Variants in SAP130 observed in about 807,000 individuals in gnomAD.
SAP130 encodes the protein histone deacetylase complex subunit SAP130.
In SAP130, 16 loss-of-function variants were observed where a neutral mutation model predicts 103.2. The ratio of observed to expected loss-of-function variants is 0.16; its 90% CI spans 0.10 to 0.24. SAP130 has a LOEUF of 0.24. Ranked by LOEUF, SAP130 falls within the 10% of genes least tolerant of loss-of-function variation. The pLI is 1.00. For missense variants in SAP130, 990 were observed against 1,359.7 expected, an observed-to-expected ratio of 0.73 and a Z score of 4.28; for synonymous variants, 477 against 497.0, an observed-to-expected ratio of 0.96 and a Z score of 0.53.
chr2:127,986,650 G>A lies in SAP130; in HGVS notation c.1958+135C>T, dbSNP rs1480802852. 1.3e-5 allele frequency: 12 copies of A among 949,040 alleles called. No homozygotes were observed. The Admixed American group carries it at 1.4e-4, about 11-fold the overall frequency. 58.8% of individuals were successfully genotyped at this position (949,040 alleles called of 1,614,324 possible). ...TACTGAATAATCCTGTGGTCAAGTT[G>A]TTTTGGAGGAAATTTTAACACACCA... is the stretch of plus-strand genomic sequence containing the variant. On this transcript the variant is annotated intron_variant, in intron 14 of 20. Transcript: ENST00000643581. The surrounding 1 kb of genome is among the most constrained non-coding windows in gnomAD (Gnocchi z 4.7).
At position 127,960,451 on chromosome 2, in the gene SAP130, G is replaced by C. The variant is rs566737728; in HGVS notation, c.2064-5107C>G. Reference sequence around the variant, plus strand: ...ATCTGACAGGTTTAACTCATTGAGAGCAGTTCTGTAGGTTTGGTGGAAAGT... The same window carrying C: ...ATCTGACAGGTTTAACTCATTGAGACCAGTTCTGTAGGTTTGGTGGAAAGT... On this transcript the variant is annotated intron_variant, in intron 15 of 20. Coordinates refer to ENST00000643581, the MANE Select transcript of SAP130 (RefSeq NM_001330301.2). Among the ~76,000 whole-genome samples, 10 of 152,314 alleles carry C rather than the reference G, an allele frequency of 6.6e-5. No individual in the cohort carries two copies. The East Asian group carries it at 1.9e-3, about 29-fold the overall frequency.
intron 10 of SAP130, among the ~76,000 whole-genome samples, chr2:127,997,115 G>C (rs1683229430): frequency 6.6e-6 from 1 of 152,108 alleles, no homozygotes; most frequent in Non-Finnish European, 1.5e-5. Context: ...AAGGTCCTTT[G>C]AATGTCCTAC....
At chr2:127,946,130 G>C (rs1679060329) in intron 18 of SAP130, among the ~76,000 whole-genome samples, 1 of 152,102 alleles carries the variant, frequency 6.6e-6, no homozygotes, top group Non-Finnish European at 1.5e-5. Context: ...CTAAGGCCCT[G>C]GTTCAAACAT....
At chr2:127,960,764 A>G (rs1028876773) in intron 15 of SAP130, among the ~76,000 whole-genome samples, 1 of 152,150 alleles carries the variant, frequency 6.6e-6, no homozygotes, top group Non-Finnish European at 1.5e-5. Context: ...ACTGACTCTA[A>G]GATGGCAACA....
rs576007550 is a variant in SAP130 at position 127,987,522 on chromosome 2, T to G, written c.1781-560A>C. 4.6e-5 allele frequency among the ~76,000 whole-genome samples: 7 copies of G among 152,228 alleles called. No homozygotes were observed. The South Asian group carries it at 1.4e-3, about 32-fold the overall frequency. On this transcript the variant is annotated intron_variant, in intron 13 of 20. Transcript: ENST00000643581. ...TTTTTCTTTGCTCTATAATCACAGT[T>G]ACTAATAAATGAGATAAGGTGAACA... is the stretch of plus-strand genomic sequence containing the variant.
intron 15 of SAP130, among the ~76,000 whole-genome samples, chr2:127,961,011 A>G (rs1036064369): frequency 7.4e-6 from 1 of 135,446 alleles, no homozygotes; most frequent in Non-Finnish European, 1.6e-5. Context: ...TTTTTTTTTG[A>G]GACAGGGTCT....
At chr2:128,012,789 T>C (rs1684493673) in intron 6 of SAP130, among the ~76,000 whole-genome samples, 1 of 151,674 alleles carries the variant, frequency 6.6e-6, no homozygotes, top group Non-Finnish European at 1.5e-5. Context: ...CACTGTTCAT[T>C]TCCCCCTTCA....
intron 13 of SAP130, among the ~76,000 whole-genome samples, chr2:127,988,428 T>C (rs1018160396): frequency 3.6e-5 from 4 of 111,672 alleles, no homozygotes; most frequent in Non-Finnish European, 6.0e-5. Context: ...CCTTGTCTTT[T>C]TAAAAAAAAA....
chr2:128,016,627 A>G, intron 3 of SAP130, 80 bp from the exon 4 acceptor site: 1 of 1,465,156 alleles, frequency 6.8e-7, no homozygotes, highest in Non-Finnish European at 9.2e-7. Context: ...AGAGTGCACA[A>G]ATCGAACCTG....
At chr2:127,970,011 CGAGGTCAA>C (rs1474141376) in intron 15 of SAP130, among the ~76,000 whole-genome samples, 3 of 150,194 alleles carry the variant, frequency 2.0e-5, no homozygotes, top group Non-Finnish European at 4.4e-5. Context: ...GGGCGGATCA[CGAGGTCAA>C]GAGATCGAGA....
intron 17 of SAP130, 70 bp from the exon 18 acceptor site, chr2:127,950,064 T>C: frequency 6.2e-7 from 1 of 1,604,666 alleles, no homozygotes; most frequent in Admixed American, 1.7e-5. Context: ...TTCCAGTAAG[T>C]GAGGTACGAG....
chr2:128,017,718 G>C lies in SAP130; in HGVS notation c.310C>G (p.Pro104Ala). ...TCCGAAAATGAAAGTGGCACTGCTG[G>C]CGTCAGGTGTGCTGGCGGGGCTGTC... ...AVTAPPAHLT[P>A]AVPLSFSEGL... is the part of the protein sequence containing the mutation. The change falls in exon 3 of 21, where the codon CCA (proline) becomes GCA (alanine). Residue 104 changes from proline to alanine, a missense_variant. Pro to Ala is a conservative substitution (Grantham distance 27, BLOSUM62 -1). Transcript: ENST00000643581. 1 of 1,614,196 alleles carries C rather than the reference G, an allele frequency of 6.2e-7. No individual in the cohort carries two copies. The highest frequency in any genetic ancestry group is 8.5e-7 in the Non-Finnish European group (1 of 1,180,038).
At chr2:127,980,704 G>A (rs562753854) in intron 14 of SAP130, among the ~76,000 whole-genome samples, 4 of 152,210 alleles carry the variant, frequency 2.6e-5, no homozygotes, top group South Asian at 2.1e-4. Flanking sequence ...AGCACTTTGG[G>A]AGGCTGAACC....
intron 1 of SAP130, chr2:128,027,474 G>C (rs1016660604): frequency 6.3e-6 from 6 of 949,840 alleles, no homozygotes; most frequent in Non-Finnish European, 7.5e-6. Context: ...TCGAGGCTGA[G>C]CCAATGGCAG....
intron 15 of SAP130, among the ~76,000 whole-genome samples, chr2:127,961,548 G>A (rs1354200211): frequency 6.9e-6 from 1 of 144,244 alleles, no homozygotes; most frequent in East Asian, 2.0e-4. Flanking sequence ...CAATTGGGTT[G>A]CTTTTTTGAC....
intron 15 of SAP130, among the ~76,000 whole-genome samples, chr2:127,974,478 T>C (rs931761431): frequency 2.0e-5 from 3 of 152,188 alleles, no homozygotes; most frequent in African/African-American, 4.8e-5. Context: ...ATAAGGATTT[T>C]CAATGAACAA....
intron 15 of SAP130, among the ~76,000 whole-genome samples, chr2:127,976,129 A>G (rs1308921307): frequency 1.3e-5 from 2 of 152,198 alleles, no homozygotes; most frequent in Admixed American, 6.5e-5. Flanking sequence ...TACAGGTGTG[A>G]GCCACTGCGC....
At chr2:128,022,701 G>A (rs184684007) in intron 2 of SAP130, among the ~76,000 whole-genome samples, 13 of 152,262 alleles carry the variant, frequency 8.5e-5, no homozygotes, top group Non-Finnish European at 1.5e-4. Flanking sequence ...GCACTGCCCT[G>A]AGGATTAATA....
chr2:127,980,581 G>A (rs2104939636), intron 14 of SAP130, among the ~76,000 whole-genome samples: 1 of 152,256 alleles, frequency 6.6e-6, no homozygotes, highest in Middle Eastern at 3.4e-3. Flanking sequence ...ATCATTACAG[G>A]AAAACATGGA....
Sources: gnomAD v4.1 joint callset for allele counts (sites outside exome capture counted in the v4.1 genomes callset) on GRCh38, gnomAD v4.1.1 for gene constraint, Gnocchi (gnomAD v3.1) non-coding constraint, MANE v1.5 for transcripts, NCBI Gene and HGNC (gene_info 2026-07-23, HGNC 2026-07-21) for gene names.